Variants in NIPAL2 observed in about 807,000 individuals in gnomAD.
NIPAL2 encodes the protein NIPA like domain containing 2.
In NIPAL2, 43 loss-of-function variants were observed where a neutral mutation model predicts 48.9. The ratio of observed to expected loss-of-function variants is 0.88; its 90% CI spans 0.69 to 1.13. NIPAL2 has a LOEUF of 1.13. NIPAL2 is among the 50% of genes most tolerant of loss of function. NIPAL2 has a pLI of 0.00. For missense variants in NIPAL2, 446 were observed against 461.4 expected, an observed-to-expected ratio of 0.97 and a Z score of 0.31; for synonymous variants, 167 against 174.6, an observed-to-expected ratio of 0.96 and a Z score of 0.34.
Position 98,294,116 on chromosome 8 carries a change from C to T in NIPAL2, c.22G>A (p.Gly8Ser). The change falls in exon 1 of 11, where the codon GGC (glycine) becomes AGC (serine). Residue 8 changes from glycine (G) to serine (S), a missense_variant. Coordinates refer to ENST00000430223, the MANE Select transcript of NIPAL2 (RefSeq NM_001321635.2). ...GCGGCCGAGGCGGAGTCCCCGGGGCCCGCGGGCGCCACCGCTGCCATGAGG... is the reference window on the plus strand; with the variant it reads ...GCGGCCGAGGCGGAGTCCCCGGGGCTCGCGGGCGCCACCGCTGCCATGAGG... MAAVAPAGPGDSASAALD... is the reference protein window; with the variant it reads MAAVAPASPGDSASAALD... 6.8e-7 allele frequency: 1 copy of T among 1,472,090 alleles called. No individual in the cohort carries two copies. The highest frequency in any genetic ancestry group is 1.3e-5 in the South Asian group (1 of 75,808). 91.2% of individuals were successfully genotyped at this position (1,472,090 alleles called of 1,614,324 possible). A position where few individuals can be genotyped will look rare whatever the true frequency, so the allele number is the denominator to read the frequency against.
intron 1 of NIPAL2, among the ~76,000 whole-genome samples, chr8:98,292,366 A>G (rs1816530685): frequency 6.6e-6 from 1 of 152,244 alleles, no homozygotes; most frequent in Non-Finnish European, 1.5e-5. Flanking sequence ...AAATGCAATT[A>G]CTGAAAAGAT....
chr8:98,238,084 C>T lies in NIPAL2; in HGVS notation c.377-1870G>A, dbSNP rs1228911063. On this transcript the variant is annotated intron_variant, in intron 3 of 10. Transcript: ENST00000430223. ...ACTACTGGACTCTCTCCCTCACAGT[C>T]GAGCCATCGTCTGCTACTGTCGCCT... 2.6e-5 allele frequency among the ~76,000 whole-genome samples: 4 copies of T among 152,274 alleles called. No homozygotes were observed. The South Asian group carries it at 6.2e-4, about 24-fold the overall frequency.
intron 1 of NIPAL2, among the ~76,000 whole-genome samples, chr8:98,281,853 C>T (rs985363199): frequency 9.9e-5 from 15 of 152,184 alleles, no homozygotes; most frequent in Non-Finnish European, 1.9e-4. Flanking sequence ...CTTAACATAA[C>T]ACAATTTATT....
intron 3 of NIPAL2, among the ~76,000 whole-genome samples, chr8:98,250,665 A>G (rs1813541014): frequency 6.6e-6 from 1 of 152,252 alleles, no homozygotes; most frequent in South Asian, 2.1e-4. Context: ...GGCTAACAGC[A>G]CACAAAGAAA....
At chr8:98,278,484 C>T (rs1010734758) in intron 1 of NIPAL2, among the ~76,000 whole-genome samples, 59 of 152,106 alleles carry the variant, frequency 3.9e-4, no homozygotes, top group African/African-American at 1.4e-3. Flanking sequence ...TATTTTCTAA[C>T]TCTTTATCCC....
At chr8:98,219,262 G>A (rs1440558519) in intron 5 of NIPAL2, among the ~76,000 whole-genome samples, 1 of 152,178 alleles carries the variant, frequency 6.6e-6, no homozygotes, top group Non-Finnish European at 1.5e-5. Flanking sequence ...GGCCTGGGAA[G>A]GAGAGGTAGA....
chr8:98,238,713 G>A (rs2130796517), intron 3 of NIPAL2, among the ~76,000 whole-genome samples: 1 of 151,898 alleles, frequency 6.6e-6, no homozygotes, highest in East Asian at 1.9e-4. Context: ...TTTCACACAG[G>A]GTAAACCAGG....
At position 98,263,723 on chromosome 8, in the gene NIPAL2, C is replaced by G. The variant is rs1453523448; in HGVS notation, c.136-9636G>C. On this transcript the variant is annotated intron_variant, in intron 1 of 10. Coordinates refer to ENST00000430223, the MANE Select transcript of NIPAL2 (RefSeq NM_001321635.2). The stretch of plus-strand genomic sequence containing the variant: ...GTACAAGGAGGAACTGGTACCATTC[C>G]TTCTGAAACTATTCCAATCAATAGA... Among the ~76,000 whole-genome samples, 9 of 132,100 alleles carry G rather than the reference C, an allele frequency of 6.8e-5. No homozygotes were observed. In the Admixed American group the frequency reaches 6.9e-4, roughly 10 times the overall value. 86.7% of individuals were successfully genotyped at this position (132,100 alleles called of 152,430 possible). A position where few individuals can be genotyped will look rare whatever the true frequency, so the allele number is the denominator to read the frequency against.
At chr8:98,222,734 A>T (rs1811964435) in intron 4 of NIPAL2, 134 bp from the exon 5 acceptor site, 2 of 831,656 alleles carry the variant, frequency 2.4e-6, no homozygotes, top group African/African-American at 3.4e-5. Context: ...CGTTTCATCA[A>T]ACCATCCTTG....
intron 3 of NIPAL2, among the ~76,000 whole-genome samples, chr8:98,245,806 G>A (rs1391958310): frequency 2.0e-5 from 3 of 152,176 alleles, no homozygotes; most frequent in Admixed American, 6.6e-5. Context: ...TCTGCTGAGC[G>A]TATATGAGCA....
intron 3 of NIPAL2, among the ~76,000 whole-genome samples, chr8:98,250,405 G>T (rs1275467134): frequency 1.3e-5 from 2 of 152,132 alleles, no homozygotes; most frequent in African/African-American, 4.8e-5. Context: ...TCTCAGGGTA[G>T]CAGGGGTTTG....
At chr8:98,278,904 G>C (rs1467217754) in intron 1 of NIPAL2, among the ~76,000 whole-genome samples, 1 of 152,104 alleles carries the variant, frequency 6.6e-6, no homozygotes, top group African/African-American at 2.4e-5. Flanking sequence ...ATTTGTCCCA[G>C]AGTTCAGATT....
At chr8:98,226,452 C>T (rs1173834455) in intron 4 of NIPAL2, among the ~76,000 whole-genome samples, 3 of 152,156 alleles carry the variant, frequency 2.0e-5, no homozygotes, top group African/African-American at 4.8e-5. Flanking sequence ...GCATTCCAAG[C>T]CCAGTAATGC....
At chr8:98,231,179 G>A (rs1360465330) in intron 4 of NIPAL2, among the ~76,000 whole-genome samples, 1 of 152,028 alleles carries the variant, frequency 6.6e-6, no homozygotes, top group African/African-American at 2.4e-5. Context: ...GGATTCCTCA[G>A]GCTTATGGTA....
Position 98,206,034 on chromosome 8 carries a change from A to G in NIPAL2, c.656-788T>C, listed in dbSNP as rs1034885410. Among the ~76,000 whole-genome samples, 6 of 152,226 alleles carry G rather than the reference A, an allele frequency of 3.9e-5. No homozygotes were observed. The South Asian group carries it at 1.2e-3, about 32-fold the overall frequency. ...AGTAACTTGATAAGGTTATATCACT[A>G]TGAAAGTAATGGAGCATTTTCTGGC... On this transcript the variant is annotated intron_variant, in intron 6 of 10. Coordinates refer to ENST00000430223, the MANE Select transcript of NIPAL2 (RefSeq NM_001321635.2).
At chr8:98,224,086 C>A (rs770800236) in intron 4 of NIPAL2, among the ~76,000 whole-genome samples, 4 of 152,194 alleles carry the variant, frequency 2.6e-5, no homozygotes, top group Non-Finnish European at 4.4e-5. Flanking sequence ...AGCTCCTCTG[C>A]CAGACACTCC....
At chr8:98,265,405 A>C (rs1265002000) in intron 1 of NIPAL2, among the ~76,000 whole-genome samples, 130 of 132,482 alleles carry the variant, frequency 9.8e-4, no homozygotes, top group Middle Eastern at 7.5e-3. Flanking sequence ...TAATATCCAG[A>C]ATCTACAATG....
intron 1 of NIPAL2, among the ~76,000 whole-genome samples, chr8:98,270,137 A>G (rs988798264): frequency 3.9e-5 from 6 of 152,188 alleles, no homozygotes; most frequent in Admixed American, 3.9e-4. Flanking sequence ...ATAGTGCTGC[A>G]ATGAACATGT....
At chr8:98,243,113 C>T (rs1813086638) in intron 3 of NIPAL2, among the ~76,000 whole-genome samples, 1 of 152,096 alleles carries the variant, frequency 6.6e-6, no homozygotes, top group Non-Finnish European at 1.5e-5. Context: ...AAAATGGTAC[C>T]TCCATGGAGC....
Sources: gnomAD v4.1 joint callset for allele counts (sites outside exome capture counted in the v4.1 genomes callset) on GRCh38, gnomAD v4.1.1 for gene constraint, MANE v1.5 for transcripts, NCBI Gene and HGNC (gene_info 2026-07-23, HGNC 2026-07-21) for gene names.